Variants in TSPAN7 observed in about 807,000 individuals in gnomAD.
The protein encoded by TSPAN7 is tetraspanin 7, also known as tetraspanin-7.
A neutral mutation model predicts 17.6 loss-of-function variants in TSPAN7; 1 was observed. That is an observed-to-expected ratio of 0.06 (90% CI 0.02 to 0.27). The LOEUF (loss-of-function observed/expected upper bound fraction) is 0.27, where lower values mean the gene tolerates loss of function less well. Ranked by LOEUF, TSPAN7 falls within the 10% of genes least tolerant of loss-of-function variation. TSPAN7 has a pLI of 1.00. For missense variants in TSPAN7, 112 were observed against 201.7 expected (o/e 0.56, Z 2.69); for synonymous variants, 78 against 79.0 (o/e 0.99, Z 0.07).
chrX:38,683,818 C>T (rs2069907933), intron 6 of TSPAN7, among the ~76,000 whole-genome samples: 1 of 113,255 alleles, frequency 8.8e-6, no homozygotes, highest in Non-Finnish European at 1.9e-5. Flanking sequence ...TGATTCTGGT[C>T]AGTGACCTGG....
At chrX:38,656,000 A>G in intron 1 of TSPAN7, 1 of 326,694 alleles carries the variant, frequency 3.1e-6, no homozygotes, top group Non-Finnish European at 6.0e-6. Context: ...TTCCAGATTC[A>G]TTCCCATCCA....
chrX:38,661,400 A>T (rs2147447100), intron 1 of TSPAN7, among the ~76,000 whole-genome samples: 1 of 112,580 alleles, frequency 8.9e-6, no homozygotes, highest in Admixed American at 9.3e-5. Flanking sequence ...ACTCTGTCTC[A>T]TCACCAAGCC....
At chrX:38,575,869 A>T (rs1393028002) in intron 1 of TSPAN7, among the ~76,000 whole-genome samples, 2 of 112,257 alleles carry the variant, frequency 1.8e-5, no homozygotes, top group East Asian at 2.8e-4. Flanking sequence ...TTTAAAAAAA[A>T]GTCTGTTTAC....
At chrX:38,626,265 G>T (rs1431874675) in intron 1 of TSPAN7, among the ~76,000 whole-genome samples, 2 of 111,798 alleles carry the variant, frequency 1.8e-5, no homozygotes, top group African/African-American at 6.5e-5. Flanking sequence ...TGAAGGTGAA[G>T]ATCATTGCCA....
intron 1 of TSPAN7, among the ~76,000 whole-genome samples, chrX:38,636,075 G>GTTATTTAT (rs146991452): frequency 0.049 from 4,999 of 102,314 alleles, 303 homozygotes; most frequent in African/African-American, 0.16. Flanking sequence ...TTTTCATTTT[G>GTTATTTAT]TTATTTATTT....
rs148896056 is a variant in TSPAN7, at chrX:38,620,360, A to G, written c.82-45761A>G. Among the ~76,000 whole-genome samples, 246 of 111,821 alleles carry G rather than the reference A, an allele frequency of 2.2e-3. 2 individuals are homozygous for G. The highest frequency in any genetic ancestry group is 7.5e-3 in the African/African-American group (232 of 30,810). On this transcript the variant is annotated intron_variant, in intron 1 of 7. Coordinates refer to ENST00000378482, the MANE Select transcript of TSPAN7 (RefSeq NM_004615.4). ...GTCTCTTATTGTTAAGCAAAGCCCCATCTTGGTCTTTAAATCATTTCCTGT... is the reference window on the plus strand; with the variant it reads ...GTCTCTTATTGTTAAGCAAAGCCCCGTCTTGGTCTTTAAATCATTTCCTGT...
At chrX:38,649,448 A>C (rs2069664126) in intron 1 of TSPAN7, among the ~76,000 whole-genome samples, 1 of 112,521 alleles carries the variant, frequency 8.9e-6, no homozygotes, top group African/African-American at 3.2e-5. Context: ...TAGTGTCTTC[A>C]TTTATTTGAA....
intron 1 of TSPAN7, among the ~76,000 whole-genome samples, chrX:38,603,756 T>A (rs939954027): frequency 4.5e-5 from 5 of 111,016 alleles, no homozygotes; most frequent in Non-Finnish European, 9.5e-5. Context: ...GAGCAACAGT[T>A]AAGGTATGTA....
chrX:38,676,720 C>G (rs1378763475), intron 5 of TSPAN7, among the ~76,000 whole-genome samples: 1 of 111,764 alleles, frequency 8.9e-6, no homozygotes. Flanking sequence ...GTGATCTGGA[C>G]CAGCTACTGA....
At chrX:38,600,700 T>C (rs1385988332) in intron 1 of TSPAN7, among the ~76,000 whole-genome samples, 4 of 112,319 alleles carry the variant, frequency 3.6e-5, no homozygotes, top group Non-Finnish European at 7.5e-5. Flanking sequence ...GCAAGTGTCA[T>C]AGACTTATTG....
chrX:38,566,063 A>G (rs951457355), intron 1 of TSPAN7, among the ~76,000 whole-genome samples: 5 of 112,354 alleles, frequency 4.5e-5, no homozygotes, highest in African/African-American at 1.6e-4. Context: ...TCCTGTGAAG[A>G]AAAAATGGAG....
At chrX:38,603,023 T>C (rs1201826579) in intron 1 of TSPAN7, among the ~76,000 whole-genome samples, 2 of 112,197 alleles carry the variant, frequency 1.8e-5, no homozygotes, top group Non-Finnish European at 3.8e-5. Flanking sequence ...TTGCAAATCA[T>C]ATATCTGAAA....
At chrX:38,600,974 C>T (rs745948283) in intron 1 of TSPAN7, among the ~76,000 whole-genome samples, 78 of 111,448 alleles carry the variant, frequency 7.0e-4, no homozygotes, top group Non-Finnish European at 1.3e-3. Flanking sequence ...AAGGAATCAG[C>T]CAGCATTATG....
intron 1 of TSPAN7, among the ~76,000 whole-genome samples, chrX:38,622,730 C>A (rs73617359): frequency 0.043 from 4,843 of 111,595 alleles, 205 homozygotes; most frequent in African/African-American, 0.14. Flanking sequence ...CATGGTGAGG[C>A]AAAGAAAAGC....
chrX:38,682,919 C>T (rs756160321), intron 6 of TSPAN7, among the ~76,000 whole-genome samples: 1 of 112,261 alleles, frequency 8.9e-6, no homozygotes, highest in Non-Finnish European at 1.9e-5. Flanking sequence ...CAGCCTTGAA[C>T]ATCCTGTTTA....
intron 1 of TSPAN7, among the ~76,000 whole-genome samples, chrX:38,588,140 C>T (rs1389009601): frequency 1.8e-5 from 2 of 110,618 alleles, no homozygotes; most frequent in Admixed American, 9.6e-5. Context: ...CTTTTAATTC[C>T]CTTTCCAAAT....
At chrX:38,666,799 A>T (rs1020229523) in intron 2 of TSPAN7, among the ~76,000 whole-genome samples, 6 of 110,004 alleles carry the variant, frequency 5.5e-5, no homozygotes, top group African/African-American at 2.0e-4. Flanking sequence ...ACGGGGTTTC[A>T]CCATGTTGGC....
At chrX:38,629,308 G>T (rs774759433) in intron 1 of TSPAN7, among the ~76,000 whole-genome samples, 1 of 111,976 alleles carries the variant, frequency 8.9e-6, no homozygotes, top group East Asian at 2.8e-4. Flanking sequence ...CACGGTTTGT[G>T]TACTTTGTTG....
intron 1 of TSPAN7, among the ~76,000 whole-genome samples, chrX:38,575,757 A>T (rs2069190945): frequency 8.9e-6 from 1 of 112,628 alleles, no homozygotes; most frequent in South Asian, 3.7e-4. Context: ...ATTTTTAAAA[A>T]TTATGTGACA....
Sources: gnomAD v4.1 joint callset for allele counts (sites outside exome capture counted in the v4.1 genomes callset) on GRCh38, gnomAD v4.1.1 for gene constraint, MANE v1.5 for transcripts, NCBI Gene and HGNC (gene_info 2026-07-23, HGNC 2026-07-21) for gene names.